SCP2: variants seen among roughly 807,000 people sequenced by gnomAD.
SCP2 encodes sterol carrier protein 2, also known as SCP-2/3-oxoacyl-CoA thiolase.
A neutral mutation model predicts 71.4 loss-of-function variants in SCP2; 48 were observed. That is an observed-to-expected ratio of 0.67 (90% CI 0.53 to 0.86). SCP2 has a LOEUF of 0.86. SCP2 is among the 40% of genes least tolerant of loss of function. The pLI is 0.00. For missense variants in SCP2, 560 were observed against 655.6 expected (o/e 0.85, Z 1.59); for synonymous variants, 220 against 218.1 (o/e 1.01, Z -0.08).
chr1:53,012,211 C>G (rs1661030071), intron 11 of SCP2, among the ~76,000 whole-genome samples: 1 of 152,238 alleles, frequency 6.6e-6, no homozygotes, highest in African/African-American at 2.4e-5. Context: ...CTGCCCCACG[C>G]CCAGAAGGAA....
At chr1:52,981,216 G>C (rs760246259) in intron 10 of SCP2, among the ~76,000 whole-genome samples, 20 of 152,228 alleles carry the variant, frequency 1.3e-4, no homozygotes, top group Non-Finnish European at 2.5e-4. Flanking sequence ...ATAGGCGTGA[G>C]CCACTGCGCC....
intron 1 of SCP2, among the ~76,000 whole-genome samples, chr1:52,938,290 A>C (rs1653913957): frequency 6.6e-6 from 1 of 152,174 alleles, no homozygotes; most frequent in African/African-American, 2.4e-5. Flanking sequence ...TTATGTATGT[A>C]TATATGCGTG....
chr1:52,952,601 G>A (rs1209920182), intron 4 of SCP2, among the ~76,000 whole-genome samples: 3 of 151,982 alleles, frequency 2.0e-5, no homozygotes, highest in Non-Finnish European at 4.4e-5. Context: ...TTTTTTGGCT[G>A]TTATGAATAA....
At chr1:52,929,989 G>A (rs1652991954) in intron 1 of SCP2, among the ~76,000 whole-genome samples, 1 of 152,156 alleles carries the variant, frequency 6.6e-6, no homozygotes, top group African/African-American at 2.4e-5. Flanking sequence ...CTTCACTTAT[G>A]CTGCCTATCT....
At chr1:52,931,414 A>G (rs1653139838) in intron 1 of SCP2, among the ~76,000 whole-genome samples, 1 of 152,242 alleles carries the variant, frequency 6.6e-6, no homozygotes. Flanking sequence ...ACCTTTTCTT[A>G]GCAGAGTATT....
intron 1 of SCP2, among the ~76,000 whole-genome samples, chr1:52,935,745 C>G (rs1415417784): frequency 2.0e-5 from 3 of 151,560 alleles, no homozygotes; most frequent in Non-Finnish European, 4.4e-5. Flanking sequence ...TGAGACCCGT[C>G]TGGGCAACAT....
At position 52,976,950 on chromosome 1, in the gene SCP2, A is replaced by G. The variant is rs12568454; in HGVS notation, c.674+181A>G. Among the ~76,000 whole-genome samples the G allele has an allele frequency of 0.032, 4,822 of 152,100 alleles. 396 individuals are homozygous for G. Among genetic ancestry groups the G allele is most frequent in the Admixed American group, 0.18 (2,677 of 15,254 alleles). On this transcript the variant is annotated intron_variant, in intron 8 of 15. Coordinates refer to ENST00000371514, the MANE Select transcript of SCP2 (RefSeq NM_002979.5). Reference sequence around the variant, plus strand: ...CTACTTCTTACTCCTGCCTGGAGACAGACTGTCTCTTCTCTTGGAAAATGA... The same window carrying G: ...CTACTTCTTACTCCTGCCTGGAGACGGACTGTCTCTTCTCTTGGAAAATGA...
chr1:52,932,198 T>C lies in SCP2; in HGVS notation c.69+4733T>C, dbSNP rs537199031. On this transcript the variant is annotated intron_variant, in intron 1 of 15. Transcript: ENST00000371514. ...TAATAGAGAATTTTCCGAACTGAAT[T>C]TTTCAGTTTGAAAAGCCAATCCGAT... Among the ~76,000 whole-genome samples, 5 of 152,234 alleles carry C rather than the reference T, an allele frequency of 3.3e-5. No homozygotes were observed. In the East Asian group the frequency reaches 7.7e-4, roughly 24 times the overall value.
At chr1:52,927,542 C>A in intron 1 of SCP2, 77 bp downstream of exon 1, 1 of 1,119,142 alleles carries the variant, frequency 8.9e-7, no homozygotes, top group Non-Finnish European at 1.3e-6. Context: ...TCCCTCCGGT[C>A]TCCTAGCTTC....
chr1:52,957,122 C>T (rs1655888012), intron 5 of SCP2, among the ~76,000 whole-genome samples: 3 of 152,134 alleles, frequency 2.0e-5, no homozygotes, highest in Non-Finnish European at 4.4e-5. Flanking sequence ...ATTGGCCAGG[C>T]TGGTCTTGAA....
intron 13 of SCP2, among the ~76,000 whole-genome samples, chr1:53,033,301 A>G (rs948520088): frequency 6.6e-6 from 1 of 152,218 alleles, no homozygotes; most frequent in Non-Finnish European, 1.5e-5. Flanking sequence ...ATGTACCTAT[A>G]TGTAAGAAAA....
rs192431767 is a variant in SCP2 at position 53,033,366 on chromosome 1, G to T, written c.1338+5295G>T. Among the ~76,000 whole-genome samples, 34 of 152,276 alleles carry T rather than the reference G, an allele frequency of 2.2e-4. No individual in the cohort carries two copies. The East Asian group carries it at 5.6e-3, about 25-fold the overall frequency. ...GCCTGTAATCCCAGCACTTTGGAAG[G>T]CCGAGGTGGGTGGATCACTTGAGGC... is the stretch of plus-strand genomic sequence containing the variant. On this transcript the variant is annotated intron_variant, in intron 13 of 15. Transcript: ENST00000371514.
intron 10 of SCP2, among the ~76,000 whole-genome samples, chr1:52,985,394 A>G (rs1004485811): frequency 8.5e-5 from 13 of 152,140 alleles, no homozygotes; most frequent in African/African-American, 3.1e-4. Flanking sequence ...CATTAAATCT[A>G]TCTCTAAGTC....
At chr1:53,028,396 C>T (rs1453988047) in intron 13 of SCP2, among the ~76,000 whole-genome samples, 2 of 152,002 alleles carry the variant, frequency 1.3e-5, no homozygotes, top group Admixed American at 6.6e-5. Flanking sequence ...ATTTATTTTG[C>T]TGTAATTTCC....
chr1:53,026,342 C>T (rs1228827365), intron 12 of SCP2, among the ~76,000 whole-genome samples: 1 of 152,144 alleles, frequency 6.6e-6, no homozygotes, highest in Non-Finnish European at 1.5e-5. Flanking sequence ...CACCCTACTC[C>T]TGTTTCAAAG....
rs57875662 is a variant in SCP2, at chr1:52,977,966, CA to C, written c.675-237del. ...AGGCAACAAGAGCGAAACTCCATCT[CA>C]AAAAAAAAAAAAAGAACTTTTTGGG... On this transcript the variant is annotated intron_variant, in intron 8 of 15. Coordinates refer to ENST00000371514, the MANE Select transcript of SCP2 (RefSeq NM_002979.5). 0.091 allele frequency among the ~76,000 whole-genome samples: 10,429 copies of C among 114,576 alleles called. 1,072 individuals are homozygous for C. Among genetic ancestry groups the C allele is most frequent in the African/African-American group, 0.27 (9,293 of 33,802 alleles). The allele number at this position is 114,576 out of a possible 152,430, so 75.2% of individuals were successfully genotyped here.
intron 4 of SCP2, among the ~76,000 whole-genome samples, chr1:52,953,518 G>C (rs894960204): frequency 2.6e-5 from 4 of 151,910 alleles, no homozygotes; most frequent in African/African-American, 9.6e-5. Context: ...ACTAATTTTT[G>C]TATATTTTGT....
At chr1:53,047,177 T>C (rs1395597875) in intron 14 of SCP2, among the ~76,000 whole-genome samples, 2 of 152,250 alleles carry the variant, frequency 1.3e-5, no homozygotes, top group African/African-American at 4.8e-5. Flanking sequence ...GCCAGTTCCC[T>C]GCCACGTGGC....
chr1:53,015,940 C>T (rs1164058071), intron 12 of SCP2, among the ~76,000 whole-genome samples: 35 of 152,208 alleles, frequency 2.3e-4, no homozygotes, highest in Non-Finnish European at 1.5e-5. Flanking sequence ...TAGCTTTTGA[C>T]ATTAATTGGC....
Sources: gnomAD v4.1 joint callset for allele counts (sites outside exome capture counted in the v4.1 genomes callset) on GRCh38, gnomAD v4.1.1 for gene constraint, MANE v1.5 for transcripts, NCBI Gene and HGNC (gene_info 2026-07-23, HGNC 2026-07-21) for gene names.